PTK2B: variants seen among roughly 807,000 people sequenced by gnomAD.
PTK2B encodes protein tyrosine kinase 2 beta.
Under a neutral mutation model 142.9 loss-of-function variants are expected in PTK2B, and 71 were observed. That is an observed-to-expected ratio of 0.50 (90% confidence interval 0.41 to 0.61). The LOEUF is 0.61. Ranked by LOEUF, PTK2B falls within the 20% of genes least tolerant of loss-of-function variation. PTK2B has a pLI of 0.00. For missense variants in PTK2B, 1,105 were observed against 1,320.4 expected, an observed-to-expected ratio of 0.84 and a Z score of 2.53; for synonymous variants, 519 against 503.4, an observed-to-expected ratio of 1.03 and a Z score of -0.42.
At chr8:27,311,231 T>A, upstream of PTK2B, 1 of 1,535,938 alleles carries the variant, frequency 6.5e-7, no homozygotes, top group South Asian at 1.2e-5. Context: ...GGGACTCCGC[T>A]CCATGGCACG....
At chr8:27,359,946 T>C (rs1422834695) in intron 1 of PTK2B, among the ~76,000 whole-genome samples, 1 of 152,148 alleles carries the variant, frequency 6.6e-6, no homozygotes, top group Admixed American at 6.5e-5. Flanking sequence ...TGGGCCAACA[T>C]CCTCTGATAC....
intron 1 of PTK2B, among the ~76,000 whole-genome samples, chr8:27,394,921 A>G (rs978952049): frequency 1.7e-4 from 26 of 152,186 alleles, no homozygotes; most frequent in African/African-American, 5.3e-4. Flanking sequence ...CAGGACCATC[A>G]GTATCACTGT....
chr8:27,383,641 TATTCCCAGTTATTTTATTATG>T (rs1425389643), intron 1 of PTK2B, among the ~76,000 whole-genome samples: 29 of 152,150 alleles, frequency 1.9e-4, no homozygotes, highest in Admixed American at 1.9e-3. Context: ...TTATTAAAAT[TATTCCCAGTTATTTTATTATG>T]ATTTTTGTAG....
intron 26 of PTK2B, 46 bp downstream of exon 26, chr8:27,451,124 A>G (rs774946043): frequency 6.3e-7 from 1 of 1,588,984 alleles, no homozygotes; most frequent in East Asian, 2.2e-5. Flanking sequence ...AGGCCTGGGA[A>G]GGCCTCGCCC....
At chr8:27,316,034 C>T (rs1455017055) in intron 3 of PTK2B, among the ~76,000 whole-genome samples, 1 of 152,100 alleles carries the variant, frequency 6.6e-6, no homozygotes, top group African/African-American at 2.4e-5. Flanking sequence ...TATATTTCTC[C>T]TTTCAATACA....
intron 1 of PTK2B, among the ~76,000 whole-genome samples, chr8:27,346,052 G>A (rs1396088005): frequency 1.3e-5 from 2 of 152,202 alleles, no homozygotes; most frequent in Non-Finnish European, 2.9e-5. Context: ...CTACTCAGAT[G>A]TTCCTCATTC....
intron 1 of PTK2B, among the ~76,000 whole-genome samples, chr8:27,351,939 C>G (rs897257715): frequency 6.6e-6 from 1 of 152,212 alleles, no homozygotes; most frequent in African/African-American, 2.4e-5. Flanking sequence ...GTTTGAATGC[C>G]ATCCCCCGCA....
chr8:27,383,335 C>T (rs1479623176), intron 1 of PTK2B, among the ~76,000 whole-genome samples: 1 of 152,086 alleles, frequency 6.6e-6, no homozygotes, highest in Non-Finnish European at 1.5e-5. Context: ...CAACTTCTGC[C>T]TCCTGGTTCA....
chr8:27,444,128 G>T, intron 22 of PTK2B, 78 bp from the exon 23 acceptor site: 1 of 1,446,298 alleles, frequency 6.9e-7, no homozygotes, highest in South Asian at 1.2e-5. Context: ...AGGTGTCTTT[G>T]ACCTGATGTT....
At chr8:27,397,067 T>C (rs1808094691) in intron 1 of PTK2B, among the ~76,000 whole-genome samples, 1 of 152,180 alleles carries the variant, frequency 6.6e-6, no homozygotes, top group Admixed American at 6.5e-5. Flanking sequence ...CCTTCTCCAT[T>C]CCCATTCCCT....
chr8:27,362,006 T>A, intron 1 of PTK2B, among the ~76,000 whole-genome samples: 1 of 152,218 alleles, frequency 6.6e-6, no homozygotes, highest in East Asian at 1.9e-4. Context: ...GTGCCCTGTC[T>A]GATGTTTACT....
Position 27,353,101 on chromosome 8 carries a change from G to C in PTK2B, c.-38+27420G>C, listed in dbSNP as rs1003227088. On this transcript the variant is annotated intron_variant, in intron 1 of 30. Transcript: ENST00000346049. ...TGGAGAACCACATTTTCACGGGACT[G>C]CTCATCTAGTCTTGGGATTAAAGGG... 2.6e-5 allele frequency among the ~76,000 whole-genome samples: 4 copies of C among 152,190 alleles called. No individual in the cohort carries two copies. The South Asian group carries it at 8.3e-4, about 32-fold the overall frequency.
intron 18 of PTK2B, 131 bp downstream of exon 18, chr8:27,438,011 T>A: frequency 1.4e-6 from 1 of 729,074 alleles, no homozygotes; most frequent in Admixed American, 2.4e-5. Flanking sequence ...CCCAGCAGCT[T>A]TGAGCACTTG....
chr8:27,431,992 C>A (rs955193727), intron 9 of PTK2B: 3 of 342,038 alleles, frequency 8.8e-6, no homozygotes, highest in South Asian at 6.6e-5. Context: ...TTTTTTTGTG[C>A]GATTTTTTTT....
At chr8:27,441,223 C>T (rs1159120756) in intron 21 of PTK2B, among the ~76,000 whole-genome samples, 1 of 152,164 alleles carries the variant, frequency 6.6e-6, no homozygotes, top group Non-Finnish European at 1.5e-5. Flanking sequence ...TCCAGTGAAA[C>T]ACCATTTTGG....
At chr8:27,450,218 G>A (rs984604293) in intron 24 of PTK2B, among the ~76,000 whole-genome samples, 4 of 152,100 alleles carry the variant, frequency 2.6e-5, no homozygotes, top group African/African-American at 7.2e-5. Flanking sequence ...ACTGCACACC[G>A]TGAGGCTAGA....
chr8:27,311,146 G>A (rs375198467), upstream of PTK2B: 10 of 1,605,772 alleles, frequency 6.2e-6, no homozygotes, highest in Non-Finnish European at 8.5e-6. Context: ...GAGTGACTGC[G>A]TCGCGGAAGG....
intron 15 of PTK2B, 125 bp downstream of exon 15, chr8:27,436,473 C>T (rs1810784674): frequency 4.0e-6 from 3 of 742,012 alleles, no homozygotes; most frequent in Middle Eastern, 2.8e-4. Context: ...TCCCTAAGGG[C>T]CTCTTGTCCA....
Position 27,352,373 on chromosome 8 carries a change from A to G in PTK2B, c.-38+26692A>G, listed in dbSNP as rs73565998. On this transcript the variant is annotated intron_variant, in intron 1 of 30. Transcript: ENST00000346049. ...AAAGGCCAACATGTGTTCCTGCAAA[A>G]AACAAAAGCAAAAGACAGGAAAAGC... Among the ~76,000 whole-genome samples the G allele has an allele frequency of 3.3e-3, 499 of 152,324 alleles. 3 individuals are homozygous for G. Among genetic ancestry groups the G allele is most frequent in the African/African-American group, 0.012 (478 of 41,560 alleles).
Sources: gnomAD v4.1 joint callset for allele counts (sites outside exome capture counted in the v4.1 genomes callset) on GRCh38, gnomAD v4.1.1 for gene constraint, MANE v1.5 for transcripts, NCBI Gene and HGNC (gene_info 2026-07-23, HGNC 2026-07-21) for gene names.